Variants in MBTPS1 observed in about 807,000 individuals in gnomAD.
The protein encoded by MBTPS1 is membrane bound transcription factor peptidase, site 1.
A neutral mutation model predicts 127.8 loss-of-function variants in MBTPS1; 94 were observed. That is an observed-to-expected ratio of 0.74 (90% CI 0.62 to 0.87). The LOEUF is 0.87. Ranked by LOEUF, MBTPS1 falls within the 40% of genes least tolerant of loss-of-function variation. MBTPS1 has a pLI of 0.00. For synonymous variants in MBTPS1, 632 were observed against 509.4 expected (o/e 1.24, Z -3.24); for missense variants, 1,636 against 1,353.2 (o/e 1.21, Z -3.28).
rs1567494853 is a variant in MBTPS1 at position 84,091,744 on chromosome 16, CG to C, written c.950del (p.Pro317ArgfsTer9). The C allele has an allele frequency of 1.2e-6, 2 of 1,612,908 alleles. No homozygotes were observed. Among genetic ancestry groups the C allele is most frequent in the Non-Finnish European group, 1.7e-6 (2 of 1,179,078 alleles). ...SIGGPDFMDH[P>X]FVDKVWELTA... ...TGACTCCACAAACCTTGTCAACAAA[CG>C]GATGATCCATGAAGTCCGGGCCGCC... is the stretch of plus-strand genomic sequence containing the variant. On this transcript the variant is annotated frameshift_variant, in exon 7 of 23. Transcript: ENST00000343411. LOFTEE classifies it high-confidence loss of function.
At position 84,079,649 on chromosome 16, in the gene MBTPS1, C is replaced by T. The variant is rs564082653; in HGVS notation, c.1448+2098G>A. Among the ~76,000 whole-genome samples, 27 of 152,288 alleles carry T rather than the reference C, an allele frequency of 1.8e-4. No individual in the cohort carries two copies. In the South Asian group the frequency reaches 5.4e-3, roughly 30 times the overall value. ...GCCAACATATTGTGGATAATGAGAGCCAGGCTTCTCACTGTTGGAGAATGG... is the reference window on the plus strand; with the variant it reads ...GCCAACATATTGTGGATAATGAGAGTCAGGCTTCTCACTGTTGGAGAATGG... On this transcript the variant is annotated intron_variant, in intron 11 of 22. Coordinates refer to ENST00000343411, the MANE Select transcript of MBTPS1 (RefSeq NM_003791.4).
intron 12 of MBTPS1, 71 bp downstream of exon 12, chr16:84,074,526 T>A: frequency 6.7e-7 from 1 of 1,488,956 alleles, no homozygotes; most frequent in East Asian, 2.3e-5. Flanking sequence ...CAGAAGTAAC[T>A]ATGGCCTAAA....
intron 17 of MBTPS1, 57 bp downstream of exon 17, chr16:84,066,432 G>A: frequency 8.2e-6 from 13 of 1,582,884 alleles, no homozygotes; most frequent in Non-Finnish European, 1.1e-5. Flanking sequence ...AGACTTCAGA[G>A]GTGTAGAGCT....
intron 1 of MBTPS1, chr16:84,109,341 G>C (rs989935276): frequency 6.6e-6 from 1 of 152,148 alleles, no homozygotes; most frequent in African/African-American, 2.4e-5. Flanking sequence ...GAATAAAACA[G>C]GAAAACAGGA....
chr16:84,096,082 T>C (rs1460961040), intron 3 of MBTPS1, among the ~76,000 whole-genome samples: 1 of 152,168 alleles, frequency 6.6e-6, no homozygotes, highest in African/African-American at 2.4e-5. Flanking sequence ...ATAATAATTT[T>C]AAAAAGCTAA....
chr16:84,101,136 T>C, intron 2 of MBTPS1, among the ~76,000 whole-genome samples: 1 of 151,364 alleles, frequency 6.6e-6, no homozygotes, highest in East Asian at 1.9e-4. Context: ...CCATCTCTAC[T>C]AAAAATAGAA....
At chr16:84,097,652 C>T (rs2086194344) in intron 3 of MBTPS1, among the ~76,000 whole-genome samples, 1 of 152,202 alleles carries the variant, frequency 6.6e-6, no homozygotes, top group African/African-American at 2.4e-5. Context: ...AACTAAAATA[C>T]CGCAATGTAT....
intron 4 of MBTPS1, among the ~76,000 whole-genome samples, chr16:84,094,236 A>G (rs2086149805): frequency 6.6e-6 from 1 of 151,928 alleles, no homozygotes; most frequent in South Asian, 2.1e-4. Context: ...CAAAACACTC[A>G]CAAACCACAC....
rs2086307536 is a variant in MBTPS1, at chr16:84,105,217, T to C, written c.-324-3110A>G. Among the ~76,000 whole-genome samples the C allele has an allele frequency of 3.3e-5, 5 of 152,194 alleles. No homozygotes were observed. In the South Asian group the frequency reaches 1.0e-3, roughly 31 times the overall value. On this transcript the variant is annotated intron_variant, in intron 1 of 22. Transcript: ENST00000343411. ...AAAACAGAGAAGGCAATTATTATCA[T>C]AAGACATTTTACCTTAACTCATTCA...
chr16:84,098,588 C>A (rs143621649), intron 3 of MBTPS1, among the ~76,000 whole-genome samples: 5 of 152,020 alleles, frequency 3.3e-5, no homozygotes, highest in Non-Finnish European at 5.9e-5. Flanking sequence ...GCCTGGGCAA[C>A]AAGAGCGAAA....
chr16:84,071,742 C>CT (rs2085772571), intron 12 of MBTPS1: 1 of 110,516 alleles, frequency 9.0e-6, no homozygotes, highest in Non-Finnish European at 2.3e-5. Flanking sequence ...AAATGTAAAA[C>CT]TTTTACAGAA....
At chr16:84,111,973 G>T (rs1266465179) in intron 1 of MBTPS1, among the ~76,000 whole-genome samples, 1 of 151,842 alleles carries the variant, frequency 6.6e-6, no homozygotes. Flanking sequence ...AGCCAAGGCA[G>T]GCGGATCACT....
rs530672761 is a variant in MBTPS1 at position 84,078,484 on chromosome 16, G to T, written c.1448+3263C>A. Among the ~76,000 whole-genome samples the T allele has an allele frequency of 4.7e-4, 72 of 151,682 alleles. 1 individual carries two copies. In the South Asian group the frequency reaches 0.014, roughly 30 times the overall value. ...AGAGCTACCCGATGCTCTCAACCCA[G>T]ACCAGCAGTGCCACCTTACCTAACA... On this transcript the variant is annotated intron_variant, in intron 11 of 22. Coordinates refer to ENST00000343411, the MANE Select transcript of MBTPS1 (RefSeq NM_003791.4).
At position 84,081,878 on chromosome 16, in the gene MBTPS1, G is replaced by C. The variant is rs3743631; in HGVS notation, c.1317C>G (p.Pro439=). ...CGATCAGGGCCTGCTTCATACTGGC[G>C]GGATTCACCAGCTCACGCTTCTGGA... ...STVQKRELVN[P]ASMKQALIAS... The change falls in exon 11 of 23, where the codon CCC becomes CCG. Residue 439 remains proline (P), a synonymous_variant. Coordinates refer to ENST00000343411, the MANE Select transcript of MBTPS1 (RefSeq NM_003791.4). 1 of 1,472,016 alleles carries C rather than the reference G, an allele frequency of 6.8e-7. No individual in the cohort carries two copies. Among genetic ancestry groups the C allele is most frequent in the Non-Finnish European group, 9.0e-7 (1 of 1,108,008 alleles). The allele number at this position is 1,472,016 out of a possible 1,614,324, so 91.2% of individuals were successfully genotyped here. A position where few individuals can be genotyped will look rare whatever the true frequency, so the allele number is the denominator to read the frequency against.
At chr16:84,057,863 T>C (rs1217305247) in intron 21 of MBTPS1, 2 of 152,262 alleles carry the variant, frequency 1.3e-5, no homozygotes, top group African/African-American at 2.4e-5. Context: ...GATTATTTGA[T>C]GTGAACAGGT....
intron 2 of MBTPS1, among the ~76,000 whole-genome samples, chr16:84,100,384 A>C (rs1033639101): frequency 1.7e-4 from 26 of 152,202 alleles, no homozygotes; most frequent in Non-Finnish European, 3.7e-4. Context: ...GTCTCTACTA[A>C]AAAGACAAAA....
chr16:84,061,684 G>C (rs1567472437), intron 19 of MBTPS1: 2 of 152,252 alleles, frequency 1.3e-5, no homozygotes, highest in Non-Finnish European at 2.9e-5. Context: ...TGACAGCAGA[G>C]AAAGGGCAAT....
intron 8 of MBTPS1, among the ~76,000 whole-genome samples, chr16:84,090,037 G>A (rs888300624): frequency 9.9e-5 from 15 of 152,140 alleles, no homozygotes; most frequent in African/African-American, 2.7e-4. Flanking sequence ...CAAGGTTCAC[G>A]ATCATTTACT....
chr16:84,098,994 A>C, intron 3 of MBTPS1, 59 bp downstream of exon 3: 1 of 1,485,920 alleles, frequency 6.7e-7, no homozygotes, highest in Non-Finnish European at 9.2e-7. Context: ...ACTACTCTGC[A>C]GTTTGAGATT....
Sources: allele counts gnomAD v4.1 joint callset (sites outside exome capture counted in the v4.1 genomes callset), GRCh38; gene constraint gnomAD v4.1.1; transcripts MANE v1.5; gene names NCBI Gene and HGNC (gene_info 2026-07-23, HGNC 2026-07-21).